PTPRN2: variants seen among roughly 807,000 people sequenced by gnomAD.
PTPRN2 encodes the protein receptor-type tyrosine-protein phosphatase N2.
Under a neutral mutation model 118.8 loss-of-function variants are expected in PTPRN2, and 74 were observed. The ratio of observed to expected loss-of-function variants is 0.62; its 90% CI spans 0.52 to 0.76. The LOEUF is 0.76. Ranked by LOEUF, PTPRN2 falls within the 30% of genes least tolerant of loss-of-function variation. The probability of loss-of-function intolerance (pLI) is 0.00; values close to 1 mark genes in which losing one functional copy is unlikely to be tolerated. For missense variants in PTPRN2, 1,481 were observed against 1,394.4 expected, an observed-to-expected ratio of 1.06 and a Z score of -0.99; for synonymous variants, 641 against 608.0, an observed-to-expected ratio of 1.05 and a Z score of -0.80.
At chr7:158,411,724 C>T (rs567749187) in intron 2 of PTPRN2, among the ~76,000 whole-genome samples, 4 of 152,354 alleles carry the variant, frequency 2.6e-5, no homozygotes, top group South Asian at 4.1e-4. Flanking sequence ...CACTCACACC[C>T]GCCTCAGATG....
chr7:158,064,352 C>A (rs1267783417), intron 11 of PTPRN2, among the ~76,000 whole-genome samples: 2 of 152,138 alleles, frequency 1.3e-5, no homozygotes, highest in African/African-American at 2.4e-5. Flanking sequence ...ACCTGTTACC[C>A]AGACGACCAA....
chr7:158,487,602 G>A (rs989361693), intron 2 of PTPRN2, among the ~76,000 whole-genome samples: 14 of 151,078 alleles, frequency 9.3e-5, no homozygotes, highest in Non-Finnish European at 1.8e-4. Context: ...GAGGGGGAAA[G>A]AGAGAGAGTG....
At chr7:158,188,154 C>CG (rs1372134211) in intron 5 of PTPRN2, among the ~76,000 whole-genome samples, 2 of 151,950 alleles carry the variant, frequency 1.3e-5, no homozygotes, top group Admixed American at 6.6e-5. Flanking sequence ...ACGCTCGCCC[C>CG]CTGTACTGGG....
chr7:158,076,153 T>C (rs1430858513), intron 11 of PTPRN2, among the ~76,000 whole-genome samples: 1 of 152,222 alleles, frequency 6.6e-6, no homozygotes, highest in Non-Finnish European at 1.5e-5. Context: ...TTCCAAAGCA[T>C]CCTCCTTCAT....
chr7:157,773,753 C>A (rs534978573), intron 12 of PTPRN2, among the ~76,000 whole-genome samples: 67 of 152,312 alleles, frequency 4.4e-4, no homozygotes, highest in African/African-American at 1.6e-3. Context: ...GAACCTCAGC[C>A]CCCAGGTCCT....
At chr7:157,678,118 G>A (rs577993154) in intron 13 of PTPRN2, among the ~76,000 whole-genome samples, 1 of 152,278 alleles carries the variant, frequency 6.6e-6, no homozygotes, top group Admixed American at 6.5e-5. Context: ...GATCTTTAAT[G>A]TTGTATTTTT....
chr7:157,563,983 G>A (rs1358359697), intron 21 of PTPRN2, among the ~76,000 whole-genome samples: 2 of 152,232 alleles, frequency 1.3e-5, no homozygotes, highest in South Asian at 2.1e-4. Context: ...GGCCCCTCTC[G>A]CTTCCCACAG....
intron 11 of PTPRN2, among the ~76,000 whole-genome samples, chr7:157,927,381 T>C (rs12674393): frequency 0.11 from 4,896 of 43,000 alleles, 959 homozygotes; most frequent in Non-Finnish European, 0.16. Context: ...GCTGGGACCC[T>C]GAAGACAGGA....
intron 16 of PTPRN2, among the ~76,000 whole-genome samples, chr7:157,602,562 G>A (rs1300999852): frequency 2.0e-5 from 3 of 152,108 alleles, no homozygotes; most frequent in Non-Finnish European, 4.4e-5. Context: ...CAGCAGAGCT[G>A]AGAGCTGAGC....
At chr7:158,325,313 C>G (rs895183756) in intron 2 of PTPRN2, among the ~76,000 whole-genome samples, 5 of 152,206 alleles carry the variant, frequency 3.3e-5, no homozygotes, top group Admixed American at 3.3e-4. Flanking sequence ...AGTGAACTAA[C>G]CATCTGCTTT....
At chr7:158,151,729 G>T (rs1236929563) in intron 6 of PTPRN2, among the ~76,000 whole-genome samples, 7 of 151,324 alleles carry the variant, frequency 4.6e-5, no homozygotes, top group African/African-American at 1.7e-4. Flanking sequence ...TCCCTTGCTA[G>T]CTGCATTCTT....
intron 11 of PTPRN2, among the ~76,000 whole-genome samples, chr7:158,080,804 G>A (rs1251871895): frequency 6.6e-6 from 1 of 152,148 alleles, no homozygotes; most frequent in Admixed American, 6.6e-5. Context: ...TCTGGAAGTC[G>A]GCCGGTTTTT....
chr7:158,261,876 G>A (rs991959130), intron 3 of PTPRN2, among the ~76,000 whole-genome samples: 2 of 152,232 alleles, frequency 1.3e-5, no homozygotes, highest in Non-Finnish European at 2.9e-5. Flanking sequence ...TATTTCAGGA[G>A]AAGCTAATTC....
Position 158,361,237 on chromosome 7 carries a change from G to A in PTPRN2, c.164-44305C>T, listed in dbSNP as rs758515436. Among the ~76,000 whole-genome samples, 3 of 5,314 alleles carry A rather than the reference G, an allele frequency of 5.6e-4. 1 individual carries two copies. Among genetic ancestry groups the A allele is most frequent in the Non-Finnish European group, 3.8e-4 (1 of 2,606 alleles). The allele number at this position is 5,314 out of a possible 152,430, so 3.5% of individuals were successfully genotyped here. On this transcript the variant is annotated intron_variant, in intron 2 of 22. Transcript: ENST00000389418. ...GACCCCGCGTCCACCCTCACCTGGG[G>A]TGACCCACAGACCCTGCATCCACCC...
intron 12 of PTPRN2, among the ~76,000 whole-genome samples, chr7:157,728,166 G>A (rs535311068): frequency 3.9e-5 from 6 of 152,322 alleles, no homozygotes; most frequent in East Asian, 1.9e-4. Flanking sequence ...TGGGGTGTCC[G>A]GGTCCCACGA....
chr7:157,757,673 G>GTTT (rs111681954), intron 12 of PTPRN2, among the ~76,000 whole-genome samples: 1,818 of 144,916 alleles, frequency 0.013, 34 homozygotes, highest in African/African-American at 0.043. Context: ...CAAGATACAA[G>GTTT]TTTTTTTTTT....
chr7:158,169,571 G>A (rs1038673397), intron 5 of PTPRN2, among the ~76,000 whole-genome samples: 7 of 151,664 alleles, frequency 4.6e-5, no homozygotes, highest in Non-Finnish European at 8.8e-5. Flanking sequence ...GTGAGCCACC[G>A]CGCCTGGCCA....
chr7:158,575,250 C>G (rs1828260908), intron 1 of PTPRN2, among the ~76,000 whole-genome samples: 1 of 152,150 alleles, frequency 6.6e-6, no homozygotes, highest in South Asian at 2.1e-4. Flanking sequence ...TAGTGCTTGA[C>G]TTACCCTGAA....
At chr7:157,982,102 G>A (rs1460858446) in intron 11 of PTPRN2, among the ~76,000 whole-genome samples, 1 of 143,500 alleles carries the variant, frequency 7.0e-6, no homozygotes, top group Middle Eastern at 3.9e-3. Flanking sequence ...TAAACCCCGA[G>A]TCACAGAGAC....
Sources: allele counts gnomAD v4.1 joint callset (sites outside exome capture counted in the v4.1 genomes callset), GRCh38; gene constraint gnomAD v4.1.1; transcripts MANE v1.5; gene names NCBI Gene and HGNC (gene_info 2026-07-23, HGNC 2026-07-21).